The following ERBIN variants were observed in gnomAD, a reference collection of about 807,000 sequenced individuals.
ERBIN encodes the protein densin-180-like protein.
Under a neutral mutation model 158.4 loss-of-function variants are expected in ERBIN, and 60 were observed. The ratio of observed to expected loss-of-function variants is 0.38; its 90% confidence interval spans 0.31 to 0.47. ERBIN has a LOEUF of 0.47. Among genes scored for constraint, ERBIN ranks in the 20% least tolerant of loss-of-function variants. The probability of loss-of-function intolerance (pLI) is 0.99; values close to 1 mark genes in which losing one functional copy is unlikely to be tolerated. For missense variants in ERBIN, 1,610 were observed against 1,648.0 expected (o/e 0.98, Z 0.40); for synonymous variants, 594 against 557.2 (o/e 1.07, Z -0.93).
intron 1 of ERBIN, among the ~76,000 whole-genome samples, chr5:65,942,667 G>A (rs879879234): frequency 1.3e-5 from 2 of 152,212 alleles, no homozygotes; most frequent in Non-Finnish European, 2.9e-5. Flanking sequence ...GCTCATGCCT[G>A]TAATCCCAGC....
intron 14 of ERBIN, among the ~76,000 whole-genome samples, chr5:66,031,128 T>G (rs1283568085): frequency 6.6e-6 from 1 of 152,166 alleles, no homozygotes; most frequent in East Asian, 1.9e-4. Context: ...AGCAATAATT[T>G]TGCTATGAAA....
intron 20 of ERBIN, among the ~76,000 whole-genome samples, chr5:66,052,269 T>C (rs1278528033): frequency 1.5e-4 from 23 of 152,028 alleles, no homozygotes; most frequent in Non-Finnish European, 2.9e-5. Context: ...TTAATAGTCA[T>C]TTAGAGTTGT....
At chr5:65,983,485 T>C (rs1338043734) in intron 1 of ERBIN, among the ~76,000 whole-genome samples, 1 of 152,220 alleles carries the variant, frequency 6.6e-6, no homozygotes, top group Non-Finnish European at 1.5e-5. Flanking sequence ...TTACTATTTA[T>C]GTACTTATCA....
At chr5:65,956,803 C>T (rs1015849031) in intron 1 of ERBIN, among the ~76,000 whole-genome samples, 1 of 152,088 alleles carries the variant, frequency 6.6e-6, no homozygotes, top group South Asian at 2.1e-4. Context: ...TGAAGCACAA[C>T]GTAGCTGGAG....
At chr5:65,933,983 C>T (rs1359936397) in intron 1 of ERBIN, among the ~76,000 whole-genome samples, 1 of 152,098 alleles carries the variant, frequency 6.6e-6, no homozygotes, top group Non-Finnish European at 1.5e-5. Flanking sequence ...GCAAGCTCCA[C>T]CTCCTGGATT....
chr5:65,977,305 C>A (rs1404431824), intron 1 of ERBIN, among the ~76,000 whole-genome samples: 1 of 150,974 alleles, frequency 6.6e-6, no homozygotes, highest in Non-Finnish European at 1.5e-5. Context: ...CTGACCCCCC[C>A]ACCTCCCTCC....
chr5:66,027,641 AG>A (rs1356277039), intron 13 of ERBIN, among the ~76,000 whole-genome samples: 1 of 152,082 alleles, frequency 6.6e-6, no homozygotes, highest in African/African-American at 2.4e-5. Context: ...TAAGTACTCT[AG>A]AAATGATTTA....
rs2150972951 is a variant in ERBIN, at chr5:65,966,231, T to C, written c.-57-22404T>C. On this transcript the variant is annotated intron_variant, in intron 1 of 25. Coordinates refer to ENST00000284037, the MANE Select transcript of ERBIN (RefSeq NM_001253697.2). ...TACATGACTCATGGGGTTGTGTTGA[T>C]GTTTGTGTAAACAAACTTTCTGCAC... 2.0e-5 allele frequency among the ~76,000 whole-genome samples: 3 copies of C among 152,362 alleles called. No individual in the cohort carries two copies. The South Asian group carries it at 6.2e-4, about 32-fold the overall frequency.
In ERBIN at chr5:66,050,500, C is replaced by T. The variant is rs1434636663; in HGVS notation, c.1904-283C>T. ...GACCTCGTGATCCGCCCGCCTCGGCCTCCCAAAGTGCTGGGATTACAGGCG... is the reference window on the plus strand; with the variant it reads ...GACCTCGTGATCCGCCCGCCTCGGCTTCCCAAAGTGCTGGGATTACAGGCG... On this transcript the variant is annotated intron_variant, in intron 19 of 25. Transcript: ENST00000284037. Among the ~76,000 whole-genome samples, 2 of 141,518 alleles carry T rather than the reference C, an allele frequency of 1.4e-5. 1 individual carries two copies. The highest frequency in any genetic ancestry group is 3.1e-5 in the Non-Finnish European group (2 of 64,790). The allele number at this position is 141,518 out of a possible 152,430, so 92.8% of individuals were successfully genotyped here. A position where few individuals can be genotyped will look rare whatever the true frequency, so the allele number is the denominator to read the frequency against.
At chr5:65,979,637 A>G (rs1442893373) in intron 1 of ERBIN, among the ~76,000 whole-genome samples, 1 of 152,224 alleles carries the variant, frequency 6.6e-6, no homozygotes, top group African/African-American at 2.4e-5. Flanking sequence ...TTTTCAGGTG[A>G]GTAATGGACA....
At chr5:66,016,700 G>GC (rs1434745878) in intron 7 of ERBIN, among the ~76,000 whole-genome samples, 3 of 148,376 alleles carry the variant, frequency 2.0e-5, no homozygotes, top group South Asian at 4.3e-4. Flanking sequence ...TGCACCCTCC[G>GC]CCCCCCAAGT....
chr5:66,003,537 C>G lies in ERBIN; in HGVS notation c.308-8512C>G, dbSNP rs1580316812. Among the ~76,000 whole-genome samples, 3 of 152,284 alleles carry G rather than the reference C, an allele frequency of 2.0e-5. No individual in the cohort carries two copies. In the East Asian group the frequency reaches 5.8e-4, roughly 29 times the overall value. On this transcript the variant is annotated intron_variant, in intron 4 of 25. Transcript: ENST00000284037. Reference sequence around the variant, plus strand: ...AAGCTGTAATCAGTAAACAATACATCAGTCACTTATTATCTGGGAAAAGGT... The same window carrying G: ...AAGCTGTAATCAGTAAACAATACATGAGTCACTTATTATCTGGGAAAAGGT...
At chr5:65,939,429 T>TC (rs1312254926) in intron 1 of ERBIN, among the ~76,000 whole-genome samples, 2 of 152,144 alleles carry the variant, frequency 1.3e-5, no homozygotes, top group East Asian at 3.9e-4. Context: ...AGGATGAGAC[T>TC]CCATCTCCAA....
chr5:66,026,112 G>T (rs1756212634), intron 12 of ERBIN, 135 bp downstream of exon 12: 1 of 843,372 alleles, frequency 1.2e-6, no homozygotes. Flanking sequence ...TGAATAATTA[G>T]CTATGTTAAT....
intron 21 of ERBIN, among the ~76,000 whole-genome samples, chr5:66,064,010 T>C (rs1280824083): frequency 1.3e-5 from 2 of 152,234 alleles, no homozygotes; most frequent in African/African-American, 4.8e-5. Context: ...AGGTAATAAC[T>C]GGTTCAAAAG....
intron 4 of ERBIN, among the ~76,000 whole-genome samples, chr5:66,011,765 A>G (rs1046019203): frequency 5.9e-5 from 9 of 152,336 alleles, no homozygotes; most frequent in Admixed American, 1.3e-4. Context: ...ATGTTCTACA[A>G]TTTAGGTCCT....
intron 1 of ERBIN, among the ~76,000 whole-genome samples, chr5:65,938,226 C>T (rs1339175173): frequency 1.3e-5 from 2 of 152,088 alleles, no homozygotes; most frequent in Non-Finnish European, 2.9e-5. Flanking sequence ...GCATTATTAT[C>T]TGGCTATTTA....
chr5:66,011,104 C>G (rs1561369669), intron 4 of ERBIN, among the ~76,000 whole-genome samples: 1 of 152,158 alleles, frequency 6.6e-6, no homozygotes, highest in Non-Finnish European at 1.5e-5. Flanking sequence ...ATATATCTAT[C>G]ATAGTATTCA....
Position 66,053,626 on chromosome 5 carries a change from CTT to C in ERBIN, c.2309_2310del (p.Leu770HisfsTer3). On this transcript the variant is annotated frameshift_variant, in exon 21 of 26. Coordinates refer to ENST00000284037, the MANE Select transcript of ERBIN (RefSeq NM_001253697.2). LOFTEE classifies it high-confidence loss of function. ...TCATATCAATATGAATCTTAATAAA[CTT>C]ATAACTAATGATACATTTCAACCAG... ...LDHINMNLNK[L>X]ITNDTFQPEI... 1 of 1,612,102 alleles carries C rather than the reference CTT, an allele frequency of 6.2e-7. No individual in the cohort carries two copies. Among genetic ancestry groups the C allele is most frequent in the Non-Finnish European group, 8.5e-7 (1 of 1,179,396 alleles).
Sources: allele counts gnomAD v4.1 joint callset (sites outside exome capture counted in the v4.1 genomes callset), GRCh38; gene constraint gnomAD v4.1.1; transcripts MANE v1.5; gene names NCBI Gene and HGNC (gene_info 2026-07-23, HGNC 2026-07-21).